PACC1: variants seen among roughly 807,000 people sequenced by gnomAD.
The protein encoded by PACC1 is proton activated chloride channel 1.
A neutral mutation model predicts 39.7 loss-of-function variants in PACC1; 34 were observed. The ratio of observed to expected loss-of-function variants is 0.86; its 90% CI spans 0.65 to 1.14. The LOEUF (loss-of-function observed/expected upper bound fraction) is 1.14. Among genes scored for constraint, PACC1 ranks in the 50% most tolerant of loss-of-function variants. The probability of loss-of-function intolerance (pLI) is 0.00; values close to 1 mark genes in which losing one functional copy is unlikely to be tolerated. For missense variants in PACC1, 379 were observed against 436.4 expected (o/e 0.87, Z 1.17); for synonymous variants, 127 against 160.6 (o/e 0.79, Z 1.58).
At chr1:212,399,150 G>A (rs1241855860) in intron 2 of PACC1, among the ~76,000 whole-genome samples, 1 of 152,184 alleles carries the variant, frequency 6.6e-6, no homozygotes, top group Admixed American at 6.5e-5. Context: ...ATTCTAACGG[G>A]GTTTGAAAAG....
At chr1:212,414,556 G>A (rs1185334344) in intron 1 of PACC1, among the ~76,000 whole-genome samples, 166 bp downstream of exon 1, 1 of 152,160 alleles carries the variant, frequency 6.6e-6, no homozygotes, top group Non-Finnish European at 1.5e-5. Flanking sequence ...TCCTGCCCCT[G>A]GGCCGCTCCT....
At chr1:212,403,801 G>A (rs1028422706) in intron 2 of PACC1, among the ~76,000 whole-genome samples, 7 of 152,152 alleles carry the variant, frequency 4.6e-5, no homozygotes, top group African/African-American at 1.7e-4. Flanking sequence ...CTGGCCTCAA[G>A]TGACTCACCC....
At chr1:212,372,831 A>G (rs1307420053) in intron 7 of PACC1, among the ~76,000 whole-genome samples, 1 of 152,210 alleles carries the variant, frequency 6.6e-6, no homozygotes, top group African/African-American at 2.4e-5. Flanking sequence ...GCTATAATGA[A>G]AACTGTAAAA....
At chr1:212,401,678 T>C (rs1248798679) in intron 2 of PACC1, among the ~76,000 whole-genome samples, 1 of 147,824 alleles carries the variant, frequency 6.8e-6, no homozygotes, top group African/African-American at 2.5e-5. Flanking sequence ...TCAGTTCCTT[T>C]TTTTTTTTTT....
At chr1:212,383,359 G>A (rs1362331362) in intron 4 of PACC1, among the ~76,000 whole-genome samples, 2 of 152,184 alleles carry the variant, frequency 1.3e-5, no homozygotes, top group Non-Finnish European at 2.9e-5. Flanking sequence ...GAGGAGAGGA[G>A]GGCATCCAGA....
At chr1:212,371,224 A>G (rs1238724916) in intron 7 of PACC1, among the ~76,000 whole-genome samples, 2 of 144,748 alleles carry the variant, frequency 1.4e-5, no homozygotes, top group African/African-American at 5.2e-5. Flanking sequence ...GCCTTGTGAT[A>G]GAGCAAGACT....
chr1:212,379,987 C>A lies in PACC1; in HGVS notation c.546G>T (p.Leu182=). ...TGTTCAGGCGGAACTGGAGGAAGAC[C>A]AGCTCCCGCTTTTTCACTTCCCGGG... The part of the protein sequence containing the change: ...QGPREVKKRE[L]VFLQFRLNKS... The change falls in exon 5 of 8, where the codon CTG becomes CTT. Residue 182 remains leucine, a synonymous_variant. Coordinates refer to ENST00000261455, the MANE Select transcript of PACC1 (RefSeq NM_018252.3). 1 of 1,614,210 alleles carries A rather than the reference C, an allele frequency of 6.2e-7. No individual in the cohort carries two copies. Among genetic ancestry groups the A allele is most frequent in the Non-Finnish European group, 8.5e-7 (1 of 1,180,034 alleles).
chr1:212,372,979 C>T (rs1660513260), intron 7 of PACC1, among the ~76,000 whole-genome samples: 1 of 152,066 alleles, frequency 6.6e-6, no homozygotes, highest in Non-Finnish European at 1.5e-5. Flanking sequence ...ATACCAATGA[C>T]ATTCTTTACA....
At chr1:212,385,144 C>T (rs1661050476) in intron 4 of PACC1, 130 bp downstream of exon 4, 7 of 1,057,916 alleles carry the variant, frequency 6.6e-6, no homozygotes, top group Admixed American at 2.2e-5. Flanking sequence ...AGCCGCATGT[C>T]TCCTTGGGGA....
At position 212,386,830 on chromosome 1, in the gene PACC1, T is replaced by C; in HGVS notation, c.343+61A>G. 2.6e-6 allele frequency: 4 copies of C among 1,524,884 alleles called. No homozygotes were observed. 94.5% of individuals were successfully genotyped at this position (1,524,884 alleles called of 1,614,324 possible). ...ACAAATACAACGGCAGCTCAGGGAGTATCTGCCAGCTGACACCCTAGATCT... is the reference window on the plus strand; with the variant it reads ...ACAAATACAACGGCAGCTCAGGGAGCATCTGCCAGCTGACACCCTAGATCT... On this transcript the variant is annotated intron_variant, in intron 3 of 7. Coordinates refer to ENST00000261455, the MANE Select transcript of PACC1 (RefSeq NM_018252.3). The surrounding 1 kb of genome is among the most constrained non-coding windows in gnomAD (Gnocchi z 5.0).
chr1:212,379,101 G>A (rs550103107), intron 5 of PACC1, among the ~76,000 whole-genome samples: 1 of 151,962 alleles, frequency 6.6e-6, no homozygotes, highest in African/African-American at 2.4e-5. Context: ...CCGCTACCAC[G>A]CCTGGCTAAT....
Position 212,414,720 on chromosome 1 carries a change from A to G in PACC1, c.36+2T>C, listed in dbSNP as rs1161030127. ...TCCCTTCCGTCTCTCACAACCTCGT[A>G]CCTCCTGGTAGGATGTGGAGCGCTC... On this transcript the variant is annotated splice_donor_variant, in intron 1 of 7. Transcript: ENST00000261455. LOFTEE classifies it high-confidence loss of function. 43 of 1,612,690 alleles carry G rather than the reference A, an allele frequency of 2.7e-5. No individual in the cohort carries two copies. Among genetic ancestry groups the G allele is most frequent in the Non-Finnish European group, 3.6e-5 (43 of 1,179,394 alleles).
intron 6 of PACC1, among the ~76,000 whole-genome samples, chr1:212,376,512 G>GT (rs1375126667): frequency 6.6e-6 from 1 of 152,166 alleles, no homozygotes; most frequent in Non-Finnish European, 1.5e-5. Context: ...TAATTGTAAG[G>GT]TAAGTGAACA....
Position 212,365,086 on chromosome 1 carries a change from A to G in PACC1, c.*129T>C. 4.3e-6 allele frequency: 4 copies of G among 926,154 alleles called. No homozygotes were observed. Among genetic ancestry groups the G allele is most frequent in the Middle Eastern group, 2.3e-4 (1 of 4,364 alleles). The allele number at this position is 926,154 out of a possible 1,614,324, so 57.4% of individuals were successfully genotyped here. On this transcript the variant is annotated 3_prime_UTR_variant, in exon 8 of 8. Coordinates refer to ENST00000261455, the MANE Select transcript of PACC1 (RefSeq NM_018252.3). ...ACGGGGTTAGAAGTTCCAGTTTTAC[A>G]TGCTGTTCCTCCCAGCAAGGCCCCA... is the stretch of plus-strand genomic sequence containing the variant.
chr1:212,401,922 G>A (rs998436112), intron 2 of PACC1, among the ~76,000 whole-genome samples: 2 of 152,188 alleles, frequency 1.3e-5, no homozygotes, highest in African/African-American at 4.8e-5. Flanking sequence ...TGATCCACCC[G>A]CCTTGGCCTC....
chr1:212,368,532 A>G (rs1158030809), intron 7 of PACC1, among the ~76,000 whole-genome samples: 2 of 152,170 alleles, frequency 1.3e-5, no homozygotes, highest in Non-Finnish European at 2.9e-5. Context: ...CAGAGATTAA[A>G]ATAATTTTTA....
At chr1:212,383,489 G>C (rs564155075) in intron 4 of PACC1, among the ~76,000 whole-genome samples, 1 of 152,158 alleles carries the variant, frequency 6.6e-6, no homozygotes, top group African/African-American at 2.4e-5. Flanking sequence ...CTCCACATTG[G>C]AATTGTTTAA....
rs371961398 is a variant in PACC1, at chr1:212,374,195, G to GTATA, written c.891+994_891+997dup. ...TGAATGGATAAGGAAAATGTGGTGT[G>GTATA]TATATATATATATAAAACACAATGG... On this transcript the variant is annotated intron_variant, in intron 7 of 7. Transcript: ENST00000261455. 3.9e-3 allele frequency among the ~76,000 whole-genome samples: 589 copies of GTATA among 150,940 alleles called. 2 individuals are homozygous for GTATA. Among genetic ancestry groups the GTATA allele is most frequent in the African/African-American group, 0.014 (562 of 41,124 alleles).
intron 2 of PACC1, among the ~76,000 whole-genome samples, chr1:212,409,799 G>A (rs1428960556): frequency 6.6e-6 from 1 of 152,198 alleles, no homozygotes; most frequent in Admixed American, 6.5e-5. Flanking sequence ...AGTGGCTGAA[G>A]CAAGGGAGCA....
Sources: allele counts gnomAD v4.1 joint callset (sites outside exome capture counted in the v4.1 genomes callset), GRCh38; gene constraint gnomAD v4.1.1; non-coding constraint Gnocchi (gnomAD v3.1); transcripts MANE v1.5; gene names NCBI Gene and HGNC (gene_info 2026-07-23, HGNC 2026-07-21).